BCL7C: variants seen among roughly 807,000 people sequenced by gnomAD.
BCL7C encodes B-cell CLL/lymphoma 7 protein family member C.
BCL7C carries 8 observed loss-of-function variants against 26.2 expected under a neutral mutation model. The ratio of observed to expected loss-of-function variants is 0.30; its 90% CI spans 0.18 to 0.55. The LOEUF (loss-of-function observed/expected upper bound fraction) is 0.55, where lower values mean the gene tolerates loss of function less well. Among genes scored for constraint, BCL7C ranks in the 20% least tolerant of loss-of-function variants. The pLI, the probability that BCL7C is intolerant of heterozygous loss-of-function variation, is 0.93. For missense variants in BCL7C, 262 were observed against 298.5 expected, an observed-to-expected ratio of 0.88 and a Z score of 0.90; for synonymous variants, 90 against 116.5, an observed-to-expected ratio of 0.77 and a Z score of 1.47.
intron 5 of BCL7C, among the ~76,000 whole-genome samples, chr16:30,841,349 G>A (rs552577543): frequency 5.3e-5 from 8 of 152,216 alleles, no homozygotes; most frequent in African/African-American, 1.2e-4. Context: ...GTTGGGAGCC[G>A]AAAAGGCCAC....
intron 5 of BCL7C, among the ~76,000 whole-genome samples, chr16:30,854,146 T>A (rs1450273786): frequency 1.3e-5 from 2 of 152,164 alleles, no homozygotes; most frequent in Non-Finnish European, 2.9e-5. Flanking sequence ...TATACCTCCA[T>A]GATCCATTGG....
intron 5 of BCL7C, among the ~76,000 whole-genome samples, chr16:30,842,166 C>T (rs1400782561): frequency 6.6e-6 from 1 of 151,850 alleles, no homozygotes; most frequent in Non-Finnish European, 1.5e-5. Context: ...GACTGGTACA[C>T]TTAAGAGGAA....
intron 5 of BCL7C, 115 bp from the exon 6 acceptor site, chr16:30,888,105 C>T (rs2055164329): frequency 9.3e-7 from 1 of 1,079,010 alleles, no homozygotes; most frequent in Non-Finnish European, 1.3e-6. Context: ...GGGAGGCAAG[C>T]CCAGGGCCAG....
At position 30,887,901 on chromosome 16, in the gene BCL7C, TG is replaced by T. The variant is rs754078059; in HGVS notation, c.617del (p.Pro206HisfsTer36). ...GDTEDSEGAP[P>X]LKRICPNAPD... ...GGGCATTTGGGCAGATGCGCTTGAG[TG>T]GGGGGGCACCCTCCGAGTCCTCTGT... On this transcript the variant is annotated frameshift_variant, in exon 6 of 6. Transcript: ENST00000215115. LOFTEE classifies it high-confidence loss of function. The T allele has an allele frequency of 1.3e-5, 20 of 1,598,960 alleles. No individual in the cohort carries two copies. The highest frequency in any genetic ancestry group is 2.3e-5 in the East Asian group (1 of 43,080).
intron 5 of BCL7C, among the ~76,000 whole-genome samples, chr16:30,888,545 C>T (rs1215172942): frequency 6.6e-6 from 1 of 152,040 alleles, no homozygotes; most frequent in Non-Finnish European, 1.5e-5. Context: ...CCGTGTTAGC[C>T]AGGATGGTCT....
intron 5 of BCL7C, among the ~76,000 whole-genome samples, chr16:30,872,069 T>C (rs1190241520): frequency 6.6e-6 from 1 of 152,120 alleles, no homozygotes; most frequent in East Asian, 1.9e-4. Context: ...GAAAAGGATA[T>C]TCGTGTTATT....
intron 5 of BCL7C, among the ~76,000 whole-genome samples, chr16:30,851,043 A>G (rs2054670654): frequency 6.6e-6 from 1 of 152,006 alleles, no homozygotes. Context: ...ATTTTTTCCA[A>G]TAAGAAATAA....
intron 5 of BCL7C, chr16:30,852,160 T>C: frequency 6.4e-6 from 1 of 156,826 alleles, no homozygotes; most frequent in South Asian, 1.9e-4. Context: ...TTGTCTTCTT[T>C]GCAAAACTTC....
intron 5 of BCL7C, among the ~76,000 whole-genome samples, chr16:30,853,186 C>A (rs2054691604): frequency 1.3e-5 from 2 of 152,142 alleles, no homozygotes; most frequent in Admixed American, 1.3e-4. Context: ...GATCCACCCA[C>A]CTCAGCCTCC....
At chr16:30,881,771 C>G (rs1046731434) in intron 5 of BCL7C, among the ~76,000 whole-genome samples, 5 of 152,140 alleles carry the variant, frequency 3.3e-5, no homozygotes, top group Admixed American at 2.0e-4. Context: ...GCAAGGCTCT[C>G]TCCCTCACCT....
chr16:30,865,195 T>C (rs1596597506), intron 5 of BCL7C, among the ~76,000 whole-genome samples: 1 of 141,840 alleles, frequency 7.1e-6, no homozygotes, highest in South Asian at 2.2e-4. Flanking sequence ...AAAAAAAAAG[T>C]ACTTTGTAAT....
intron 5 of BCL7C, among the ~76,000 whole-genome samples, chr16:30,845,592 A>G (rs1264103463): frequency 6.6e-6 from 1 of 152,212 alleles, no homozygotes; most frequent in Non-Finnish European, 1.5e-5. Flanking sequence ...CTTCTCTGCC[A>G]TGCCTTTCAA....
chr16:30,860,488 CA>C (rs2054761641), intron 5 of BCL7C, among the ~76,000 whole-genome samples: 1 of 152,162 alleles, frequency 6.6e-6, no homozygotes, highest in Non-Finnish European at 1.5e-5. Context: ...CCTGTGTTCT[CA>C]AAAACTTAAA....
At chr16:30,876,675 C>T (rs1408717583) in intron 5 of BCL7C, among the ~76,000 whole-genome samples, 1 of 152,036 alleles carries the variant, frequency 6.6e-6, no homozygotes, top group Non-Finnish European at 1.5e-5. Flanking sequence ...GAGGTGAAAT[C>T]AAACCCAAAG....
chr16:30,847,863 C>A (rs2054645633), intron 5 of BCL7C, among the ~76,000 whole-genome samples: 1 of 151,594 alleles, frequency 6.6e-6, no homozygotes, highest in Non-Finnish European at 1.5e-5. Flanking sequence ...CACACTGAGA[C>A]CCAGGAGAAA....
chr16:30,886,317 T>A (rs969294561), downstream of BCL7C, among the ~76,000 whole-genome samples: 3 of 152,160 alleles, frequency 2.0e-5, no homozygotes, highest in Non-Finnish European at 4.4e-5. Context: ...CTAGTTATTG[T>A]TCCCATTGCT....
At chr16:30,881,208 C>T (rs2055037796) in intron 5 of BCL7C, among the ~76,000 whole-genome samples, 1 of 152,036 alleles carries the variant, frequency 6.6e-6, no homozygotes, top group South Asian at 2.1e-4. Context: ...ACCAGCCTGA[C>T]CAACATAGTG....
intron 5 of BCL7C, among the ~76,000 whole-genome samples, chr16:30,877,120 C>T (rs1374946230): frequency 1.1e-4 from 17 of 152,084 alleles, no homozygotes; most frequent in Admixed American, 1.1e-3. Context: ...GTAGGGATTG[C>T]GGGGACTGAA....
downstream of BCL7C, among the ~76,000 whole-genome samples, chr16:30,884,865 C>G (rs1461298775): frequency 2.0e-5 from 3 of 152,220 alleles, no homozygotes; most frequent in South Asian, 6.2e-4. Context: ...CAAGGTGATA[C>G]AACAAATGAA....
Sources: gnomAD v4.1 joint callset for allele counts (sites outside exome capture counted in the v4.1 genomes callset) on GRCh38, gnomAD v4.1.1 for gene constraint, MANE v1.5 for transcripts, NCBI Gene and HGNC (gene_info 2026-07-23, HGNC 2026-07-21) for gene names.